Variants in SRRM4 observed in about 807,000 individuals in gnomAD.
SRRM4 encodes serine/arginine repetitive matrix 4, also known as serine/arginine repetitive matrix protein 4.
SRRM4 carries 33 observed loss-of-function variants against 68.9 expected under a neutral mutation model. That is an observed-to-expected ratio of 0.48 (90% CI 0.36 to 0.64). The LOEUF is 0.64. Ranked by LOEUF, SRRM4 falls within the 30% of genes least tolerant of loss-of-function variation. The pLI, the probability that SRRM4 is intolerant of heterozygous loss-of-function variation, is 0.00. For synonymous variants in SRRM4, 318 were observed against 318.8 expected, an observed-to-expected ratio of 1.00 and a Z score of 0.03; for missense variants, 817 against 827.1, an observed-to-expected ratio of 0.99 and a Z score of 0.15.
At chr12:119,020,595 G>C (rs576056677) in intron 1 of SRRM4, among the ~76,000 whole-genome samples, 1 of 152,190 alleles carries the variant, frequency 6.6e-6, no homozygotes, top group Admixed American at 6.5e-5. Context: ...CGGAGGGGGA[G>C]TGAGTCGGAG....
At chr12:119,047,611 T>C (rs999727034) in intron 1 of SRRM4, among the ~76,000 whole-genome samples, 5 of 152,228 alleles carry the variant, frequency 3.3e-5, no homozygotes, top group Non-Finnish European at 7.3e-5. Flanking sequence ...CAACTGCAGT[T>C]AGTTTATCAA....
intron 1 of SRRM4, among the ~76,000 whole-genome samples, chr12:119,028,159 T>C (rs1343018139): frequency 1.3e-5 from 2 of 152,218 alleles, no homozygotes; most frequent in Admixed American, 1.3e-4. Context: ...AGTTCTCAGA[T>C]GATATTTGTT....
intron 2 of SRRM4, among the ~76,000 whole-genome samples, chr12:119,107,620 T>C (rs2136044538): frequency 6.6e-6 from 1 of 152,352 alleles, no homozygotes; most frequent in Non-Finnish European, 1.5e-5. Flanking sequence ...GTGTTTATAG[T>C]ATTCTCTGAT....
chr12:119,086,831 G>A (rs116661414), intron 1 of SRRM4, among the ~76,000 whole-genome samples: 24 of 152,310 alleles, frequency 1.6e-4, no homozygotes, highest in African/African-American at 5.3e-4. Context: ...CCTTGCCACC[G>A]ATTTCTTTTG....
At chr12:118,988,422 T>C (rs1010319532) in intron 1 of SRRM4, among the ~76,000 whole-genome samples, 1 of 152,186 alleles carries the variant, frequency 6.6e-6, no homozygotes, top group African/African-American at 2.4e-5. Context: ...GAGCTGCTCA[T>C]ATAATATACA....
intron 10 of SRRM4, among the ~76,000 whole-genome samples, chr12:119,152,008 C>T (rs1345777063): frequency 1.3e-5 from 2 of 152,120 alleles, no homozygotes; most frequent in Non-Finnish European, 2.9e-5. Flanking sequence ...GCCATTTTTG[C>T]ATTCTGCTAC....
At chr12:118,982,537 C>T (rs1225136022) in intron 1 of SRRM4, among the ~76,000 whole-genome samples, 4 of 152,176 alleles carry the variant, frequency 2.6e-5, no homozygotes, top group African/African-American at 4.8e-5. Flanking sequence ...CCCTCCTCCA[C>T]GCCTTTCTGG....
rs531059210 is a variant in SRRM4, at chr12:119,081,009, T to C, written c.132-21227T>C. ...CAACTGAGGGTGAGGAGCTTTATCA[T>C]AGAAGGAATTTGGAATCCATTTGCT... is the stretch of plus-strand genomic sequence containing the variant. On this transcript the variant is annotated intron_variant, in intron 1 of 12. Coordinates refer to ENST00000267260, the MANE Select transcript of SRRM4 (RefSeq NM_194286.4). Among the ~76,000 whole-genome samples the C allele has an allele frequency of 3.9e-5, 6 of 152,298 alleles. No homozygotes were observed. In the East Asian group the frequency reaches 9.7e-4, roughly 25 times the overall value.
chr12:119,044,573 CACAAGCTTTAGACCCAA>C (rs1953693071), intron 1 of SRRM4, among the ~76,000 whole-genome samples: 2 of 152,132 alleles, frequency 1.3e-5, no homozygotes, highest in African/African-American at 2.4e-5. Flanking sequence ...TGGTTATGGG[CACAAGCTTTAGACCCAA>C]ACAGACCCAG....
chr12:119,019,377 G>A (rs1661437910), intron 1 of SRRM4, among the ~76,000 whole-genome samples: 1 of 152,110 alleles, frequency 6.6e-6, no homozygotes, highest in South Asian at 2.1e-4. Flanking sequence ...TGAGCCTGCT[G>A]CCTCATTTCC....
chr12:119,138,576 G>T (rs1343748068), intron 8 of SRRM4, among the ~76,000 whole-genome samples: 3 of 152,122 alleles, frequency 2.0e-5, no homozygotes, highest in African/African-American at 7.2e-5. Flanking sequence ...TAACTCTGGG[G>T]TGCATGTTCT....
intron 1 of SRRM4, among the ~76,000 whole-genome samples, chr12:119,062,008 CAT>C (rs1953815219): frequency 6.6e-6 from 1 of 152,176 alleles, no homozygotes; most frequent in African/African-American, 2.4e-5. Flanking sequence ...ATGCAAACAT[CAT>C]AGAGTGTACT....
chr12:119,154,225 C>A lies in SRRM4; in HGVS notation c.1392-18C>A. On this transcript the variant is annotated intron_variant, in intron 11 of 12. Transcript: ENST00000267260. The surrounding 1 kb of genome is among the most constrained non-coding windows in gnomAD (Gnocchi z 4.7). The stretch of plus-strand genomic sequence containing the variant: ...CAGCCCAGCCCCAGCTCCCCAGTAA[C>A]CCCCCGCGCCCCTTCAGGGAGCGGG... 2 of 1,584,420 alleles carry A rather than the reference C, an allele frequency of 1.3e-6. No individual in the cohort carries two copies. The highest frequency in any genetic ancestry group is 1.7e-6 in the Non-Finnish European group (2 of 1,162,914).
chr12:119,102,208 T>C, intron 1 of SRRM4, 28 bp from the exon 2 acceptor site: 1 of 1,594,852 alleles, frequency 6.3e-7, no homozygotes, highest in Non-Finnish European at 8.5e-7. Context: ...ATTCTAACAC[T>C]TTTGTGTCCT....
At chr12:119,077,047 C>G (rs1456538233) in intron 1 of SRRM4, among the ~76,000 whole-genome samples, 3 of 151,836 alleles carry the variant, frequency 2.0e-5, no homozygotes, top group African/African-American at 7.3e-5. Context: ...TTGTATATCT[C>G]TTGCAGTTCT....
chr12:119,004,637 C>T (rs993970735), intron 1 of SRRM4, among the ~76,000 whole-genome samples: 1 of 151,964 alleles, frequency 6.6e-6, no homozygotes, highest in Non-Finnish European at 1.5e-5. Context: ...CCTTCTTTTA[C>T]AGGCAGGGAA....
At chr12:119,006,003 A>G (rs951785393) in intron 1 of SRRM4, among the ~76,000 whole-genome samples, 1 of 152,200 alleles carries the variant, frequency 6.6e-6, no homozygotes, top group African/African-American at 2.4e-5. Context: ...TTGTCCAGGA[A>G]GCTGTGAGAT....
chr12:118,989,192 C>T (rs7302173), intron 1 of SRRM4, among the ~76,000 whole-genome samples: 1,746 of 74,168 alleles, frequency 0.024, 30 homozygotes, highest in African/African-American at 0.056. Flanking sequence ...ATCTGATCTG[C>T]TTCTGTTTGA....
At chr12:119,141,836 T>C (rs1954367230) in intron 8 of SRRM4, among the ~76,000 whole-genome samples, 1 of 152,104 alleles carries the variant, frequency 6.6e-6, no homozygotes, top group South Asian at 2.1e-4. Flanking sequence ...GGCAAACAAA[T>C]GACACTCATT....
Sources: gnomAD v4.1 joint callset for allele counts (sites outside exome capture counted in the v4.1 genomes callset) on GRCh38, gnomAD v4.1.1 for gene constraint, Gnocchi (gnomAD v3.1) non-coding constraint, MANE v1.5 for transcripts, NCBI Gene and HGNC (gene_info 2026-07-23, HGNC 2026-07-21) for gene names.